Variants in SERPINA10 observed in about 807,000 individuals in gnomAD.
The protein encoded by SERPINA10 is serpin family A member 10.
In SERPINA10, 24 loss-of-function variants were observed where a neutral mutation model predicts 28.0. The observed-to-expected ratio is 0.86, with a 90% CI of 0.62 to 1.20. The LOEUF (loss-of-function observed/expected upper bound fraction) is 1.20, where lower values mean the gene tolerates loss of function less well. Ranked by LOEUF, SERPINA10 falls within the 50% of genes most tolerant of loss-of-function variation. The pLI, the probability that SERPINA10 is intolerant of heterozygous loss-of-function variation, is 0.00. For synonymous variants in SERPINA10, 207 were observed against 203.9 expected, an observed-to-expected ratio of 1.02 and a Z score of -0.13; for missense variants, 521 against 537.7, an observed-to-expected ratio of 0.97 and a Z score of 0.31.
chr14:94,290,230 T>G lies in SERPINA10; in HGVS notation c.364A>C (p.Thr122Pro), dbSNP rs2139700060. 6.2e-7 allele frequency: 1 copy of G among 1,613,320 alleles called. No homozygotes were observed. Among genetic ancestry groups the G allele is most frequent in the Non-Finnish European group, 8.5e-7 (1 of 1,179,600 alleles). The change falls in exon 2 of 5, where the codon ACC becomes CCC. Residue 122 changes from threonine (T) to proline (P), a missense_variant. By Grantham distance (38) the Thr-to-Pro change is conservative. Transcript: ENST00000261994. ...LMLGATGPTETQIKRGLHLQA... is the reference protein window; with the variant it reads ...LMLGATGPTEPQIKRGLHLQA... ...AAGTGGAGCCCTCTCTTGATCTGGG[T>G]TTCAGTCGGCCCTGTGGCCCCCAGC... is the stretch of plus-strand genomic sequence containing the variant.
Position 94,288,795 on chromosome 14 carries a change from C to T in SERPINA10, c.719-236G>A, listed in dbSNP as rs56224347. Among the ~76,000 whole-genome samples the T allele has an allele frequency of 8.6e-3, 1,304 of 152,300 alleles. 24 individuals carry two copies. Among genetic ancestry groups the T allele is most frequent in the African/African-American group, 0.029 (1,216 of 41,558 alleles). On this transcript the variant is annotated intron_variant, in intron 2 of 4. Coordinates refer to ENST00000261994, the MANE Select transcript of SERPINA10 (RefSeq NM_001100607.3). ...CCAGCTAGCAAAATGCAGCTCCACT[C>T]GCAGGCCCTATTGGGAATCGCACAC...
Position 94,281,822 on chromosome 14 carries a change from C to T in SERPINA10, c.*2143G>A, listed in dbSNP as rs1289799922. The T allele has an allele frequency of 6.6e-6, 1 of 152,156 alleles. No homozygotes were observed. The highest frequency in any genetic ancestry group is 6.5e-5 in the Admixed American group (1 of 15,268). The allele number at this position is 152,156 out of a possible 1,614,324, so 9.4% of individuals were successfully genotyped here. A position where few individuals can be genotyped will look rare whatever the true frequency, so the allele number is the denominator to read the frequency against. ...ATATGAATCCTTCAATAATAATGTA[C>T]CTTTTTATTACTGGGTTTGGCCATA... is the stretch of plus-strand genomic sequence containing the variant. On this transcript the variant is annotated 3_prime_UTR_variant, in exon 5 of 5. Transcript: ENST00000261994.
rs1894899510 is a variant in SERPINA10 at position 94,281,446 on chromosome 14, C to G, written c.*2519G>C. On this transcript the variant is annotated 3_prime_UTR_variant, in exon 5 of 5. Coordinates refer to ENST00000261994, the MANE Select transcript of SERPINA10 (RefSeq NM_001100607.3). ...GCAAGACTCTGTCTCAAAACAAAAA[C>G]AAAAACAAAAACAAAAACTCGACAC... 1 of 152,270 alleles carries G rather than the reference C, an allele frequency of 6.6e-6. No individual in the cohort carries two copies. Among genetic ancestry groups the G allele is most frequent in the Non-Finnish European group, 1.5e-5 (1 of 68,192 alleles). 9.4% of individuals were successfully genotyped at this position (152,270 alleles called of 1,614,324 possible). A position where few individuals can be genotyped will look rare whatever the true frequency, so the allele number is the denominator to read the frequency against.
intron 3 of SERPINA10, among the ~76,000 whole-genome samples, 173 bp from the exon 4 acceptor site, chr14:94,286,431 T>A (rs1006437171): frequency 2.0e-5 from 3 of 152,254 alleles, no homozygotes; most frequent in Non-Finnish European, 4.4e-5. Context: ...TATTTCTAGC[T>A]TATCAAATAG....
rs1340157074 is a variant in SERPINA10 at position 94,289,953 on chromosome 14, C to CG, written c.640dup (p.Arg214ProfsTer9). The CG allele has an allele frequency of 2.5e-6, 4 of 1,614,022 alleles. No individual in the cohort carries two copies. Among genetic ancestry groups the CG allele is most frequent in the African/African-American group, 1.3e-5 (1 of 74,912 alleles). On this transcript the variant is annotated frameshift_variant, in exon 2 of 5. Transcript: ENST00000261994. LOFTEE classifies it high-confidence loss of function. ...ATCAAACAGTTTGGGAATTTTCCCC[C>CG]GAGTCTCTTTGTTAATGTAATGATT...
Position 94,281,323 on chromosome 14 carries a change from C to G in SERPINA10, c.*2642G>C, listed in dbSNP as rs1340779071. ...TGGTGGCAGGTGCCTGTAGTCCCAG[C>G]TACTCGGGAGGCTGAGGCAGGAGAA... On this transcript the variant is annotated 3_prime_UTR_variant, in exon 5 of 5. Coordinates refer to ENST00000261994, the MANE Select transcript of SERPINA10 (RefSeq NM_001100607.3). 6.6e-6 allele frequency: 1 copy of G among 152,394 alleles called. No individual in the cohort carries two copies. The highest frequency in any genetic ancestry group is 2.4e-5 in the African/African-American group (1 of 41,420). The allele number at this position is 152,394 out of a possible 1,614,324, so 9.4% of individuals were successfully genotyped here. A position where few individuals can be genotyped will look rare whatever the true frequency, so the allele number is the denominator to read the frequency against.
In SERPINA10 at chr14:94,290,316, C is replaced by G; in HGVS notation, c.278G>C (p.Arg93Thr). The G allele has an allele frequency of 6.2e-7, 1 of 1,614,216 alleles. No homozygotes were observed. The highest frequency in any genetic ancestry group is 1.1e-5 in the South Asian group (1 of 91,086). Residue 93 changes from arginine to threonine, a missense_variant, in exon 2 of 5, where the codon AGG becomes ACG. Arg to Thr is a moderately conservative substitution (Grantham distance 71). Coordinates refer to ENST00000261994, the MANE Select transcript of SERPINA10 (RefSeq NM_001100607.3). ...GFSLLRKISMRHDGNMVFSPF... is the reference protein window; with the variant it reads ...GFSLLRKISMTHDGNMVFSPF... ...AGAGAAGACCATGTTGCCATCGTGCCTCATGGAGATCTTTCGCAGCAGGCT... is the reference window on the plus strand; with the variant it reads ...AGAGAAGACCATGTTGCCATCGTGCGTCATGGAGATCTTTCGCAGCAGGCT...
intron 3 of SERPINA10, among the ~76,000 whole-genome samples, chr14:94,287,018 C>T (rs567717987): frequency 8.5e-5 from 13 of 152,258 alleles, no homozygotes; most frequent in African/African-American, 3.1e-4. Flanking sequence ...CCATGGAATT[C>T]GTATTGCAGC....
Position 94,283,944 on chromosome 14 carries a change from A to T in SERPINA10, c.*21T>A, listed in dbSNP as rs371815420. 1.3e-4 allele frequency: 206 copies of T among 1,611,322 alleles called. No homozygotes were observed. Among genetic ancestry groups the T allele is most frequent in the Admixed American group, 6.7e-5 (4 of 59,988 alleles). On this transcript the variant is annotated 3_prime_UTR_variant, in exon 5 of 5. Coordinates refer to ENST00000261994, the MANE Select transcript of SERPINA10 (RefSeq NM_001100607.3). ...AGATTCAGCATCTACTACAGCACGA[A>T]GTGCTTATGCGTGTCCTGAATTATA...
chr14:94,284,618 G>T (rs1186733236), intron 4 of SERPINA10, among the ~76,000 whole-genome samples: 1 of 152,150 alleles, frequency 6.6e-6, no homozygotes, highest in Non-Finnish European at 1.5e-5. Flanking sequence ...CCCAGCACCT[G>T]GTACTACTCT....
At position 94,282,495 on chromosome 14, in the gene SERPINA10, T is replaced by C. The variant is rs1335727599; in HGVS notation, c.*1470A>G. 1 of 152,210 alleles carries C rather than the reference T, an allele frequency of 6.6e-6. No homozygotes were observed. The highest frequency in any genetic ancestry group is 1.9e-4 in the East Asian group (1 of 5,184). 9.4% of individuals were successfully genotyped at this position (152,210 alleles called of 1,614,324 possible). ...CCCCATGGGTAGCTGTAGTGCATGC[T>C]GTTTACCTGGTCCCCATCAGATGTT... On this transcript the variant is annotated 3_prime_UTR_variant, in exon 5 of 5. Transcript: ENST00000261994.
At position 94,280,904 on chromosome 14, in the gene SERPINA10, C is replaced by T. The variant is rs567494042; in HGVS notation, c.*3061G>A. The T allele has an allele frequency of 5.3e-5, 8 of 152,278 alleles. No individual in the cohort carries two copies. In the East Asian group the frequency reaches 1.2e-3, roughly 22 times the overall value. The allele number at this position is 152,278 out of a possible 1,614,324, so 9.4% of individuals were successfully genotyped here. A position where few individuals can be genotyped will look rare whatever the true frequency, so the allele number is the denominator to read the frequency against. On this transcript the variant is annotated 3_prime_UTR_variant, in exon 5 of 5. Transcript: ENST00000261994. ...CTCTTACACATTTAAAAAATCATTT[C>T]TATTATTTGACTTCCTGAGCTTGAA...
At chr14:94,289,429 A>G (rs138311012) in intron 2 of SERPINA10, among the ~76,000 whole-genome samples, 3 of 152,236 alleles carry the variant, frequency 2.0e-5, no homozygotes, top group Non-Finnish European at 4.4e-5. Flanking sequence ...CTATGTGCCA[A>G]GCCCATCTGG....
chr14:94,288,772 A>G (rs1181664061), intron 2 of SERPINA10, among the ~76,000 whole-genome samples: 1 of 152,168 alleles, frequency 6.6e-6, no homozygotes, highest in African/African-American at 2.4e-5. Flanking sequence ...CCTCTAGCCC[A>G]GCTAGCAAAA....
In SERPINA10 at chr14:94,281,202, C is replaced by G. The variant is rs992976177; in HGVS notation, c.*2763G>C. On this transcript the variant is annotated 3_prime_UTR_variant, in exon 5 of 5. Transcript: ENST00000261994. Reference sequence around the variant, plus strand: ...CTGTAATCCCAGCACTTTGGGAGGCCGAGGCGGGCAGATCACAAGGTCAGG... The same window carrying G: ...CTGTAATCCCAGCACTTTGGGAGGCGGAGGCGGGCAGATCACAAGGTCAGG... 1 of 151,928 alleles carries G rather than the reference C, an allele frequency of 6.6e-6. No homozygotes were observed. The highest frequency in any genetic ancestry group is 6.6e-5 in the Admixed American group (1 of 15,244). The allele number at this position is 151,928 out of a possible 1,614,324, so 9.4% of individuals were successfully genotyped here.
Position 94,290,862 on chromosome 14 carries a change from C to T in SERPINA10, c.-50-219G>A, listed in dbSNP as rs527409912. 4.6e-5 allele frequency among the ~76,000 whole-genome samples: 7 copies of T among 152,294 alleles called. No homozygotes were observed. The South Asian group carries it at 1.2e-3, about 27-fold the overall frequency. On this transcript the variant is annotated intron_variant, in intron 1 of 4. Coordinates refer to ENST00000261994, the MANE Select transcript of SERPINA10 (RefSeq NM_001100607.3). ...CTCCAGTTCCCATTCCCTGCCAGGC[C>T]GGCAGGCAGCTCTCAGTCCTGACCC... is the stretch of plus-strand genomic sequence containing the variant.
intron 3 of SERPINA10, among the ~76,000 whole-genome samples, chr14:94,287,513 A>G (rs1288753693): frequency 6.6e-6 from 1 of 152,136 alleles, no homozygotes; most frequent in Non-Finnish European, 1.5e-5. Flanking sequence ...ATTGCTAGTA[A>G]CTTTCTAACC....
intron 3 of SERPINA10, 71 bp downstream of exon 3, chr14:94,288,215 A>C: frequency 5.0e-6 from 8 of 1,594,252 alleles, no homozygotes; most frequent in Non-Finnish European, 6.9e-6. Context: ...CGGTGCATTC[A>C]ATGAAATTGT....
rs1256562301 is a variant in SERPINA10, at chr14:94,280,843, G to A, written c.*3122C>T. ...CTATAAAGGATTTTACTTAATAGAG[G>A]TTAAATAAGGAGCACATAAAGTTTT... On this transcript the variant is annotated 3_prime_UTR_variant, in exon 5 of 5. Transcript: ENST00000261994. 1 of 152,158 alleles carries A rather than the reference G, an allele frequency of 6.6e-6. No individual in the cohort carries two copies. The highest frequency in any genetic ancestry group is 1.5e-5 in the Non-Finnish European group (1 of 68,026). The allele number at this position is 152,158 out of a possible 1,614,324, so 9.4% of individuals were successfully genotyped here.
Sources: gnomAD v4.1 joint callset for allele counts (sites outside exome capture counted in the v4.1 genomes callset) on GRCh38, gnomAD v4.1.1 for gene constraint, MANE v1.5 for transcripts, NCBI Gene and HGNC (gene_info 2026-07-23, HGNC 2026-07-21) for gene names.